SPMIP8: variants seen among roughly 807,000 people sequenced by gnomAD.
The protein encoded by SPMIP8 is sperm microtubule inner protein 8, also known as testicular tissue protein Li 196.
chr16:57,977,981 C>T, the SPMIP8 span: 5 of 1,614,078 alleles, frequency 3.1e-6, no homozygotes, highest in South Asian at 4.4e-5. Flanking sequence ...TGGACAGGGA[C>T]ACCGTCAAGG....
the SPMIP8 span, chr16:57,985,567 G>A: frequency 1.3e-6 from 2 of 1,577,072 alleles, no homozygotes; most frequent in South Asian, 2.3e-5. Flanking sequence ...CCACGCGCCC[G>A]GGGACCCCAT....
chr16:57,976,748 GC>G, the SPMIP8 span: 1 of 1,247,646 alleles, frequency 8.0e-7, no homozygotes, highest in Non-Finnish European at 1.1e-6. Context: ...TTGTCACCAT[GC>G]CCCCTCCCTG....
the SPMIP8 span, among the ~76,000 whole-genome samples, chr16:57,980,579 T>A: frequency 6.6e-6 from 1 of 152,222 alleles, no homozygotes; most frequent in South Asian, 2.1e-4. Flanking sequence ...ATCTGTGAGC[T>A]GTATGAGTTG....
the SPMIP8 span, chr16:57,985,332 T>A: frequency 1.9e-6 from 3 of 1,559,612 alleles, no homozygotes; most frequent in Non-Finnish European, 1.7e-6. Context: ...GGGAGCGGCT[T>A]AAGCCGGGGG....
At chr16:57,985,807 G>A in the SPMIP8 span, 3 of 1,457,190 alleles carry the variant, frequency 2.1e-6, no homozygotes, top group African/African-American at 4.2e-5. Context: ...GAACCCTTCA[G>A]GAGGGATGGC....
chr16:57,976,565 C>T, the SPMIP8 span: 1 of 1,614,192 alleles, frequency 6.2e-7, no homozygotes, highest in Non-Finnish European at 8.5e-7. Context: ...ATTGAGCAGT[C>T]AAAGAACTGA....
chr16:57,979,004 T>G, the SPMIP8 span, among the ~76,000 whole-genome samples: 1 of 152,116 alleles, frequency 6.6e-6, no homozygotes, highest in South Asian at 2.1e-4. Context: ...CCCAAGCATC[T>G]CTGTATGTGG....
the SPMIP8 span, among the ~76,000 whole-genome samples, chr16:57,981,501 CTTTT>C: frequency 1.4e-5 from 1 of 68,978 alleles, no homozygotes; most frequent in African/African-American, 6.9e-5. Flanking sequence ...CTCTCTTTCT[CTTTT>C]TTTTTTTTTT....
the SPMIP8 span, among the ~76,000 whole-genome samples, chr16:57,985,748 A>G: frequency 6.6e-6 from 1 of 151,894 alleles, no homozygotes; most frequent in Non-Finnish European, 1.5e-5. Context: ...CTCCCTGACA[A>G]CTCCACCCTT....
chr16:57,978,099 G>C, the SPMIP8 span: 1 of 1,534,782 alleles, frequency 6.5e-7, no homozygotes, highest in African/African-American at 1.4e-5. Context: ...AGGAAAGAGG[G>C]AGACAGATGC....
the SPMIP8 span, among the ~76,000 whole-genome samples, chr16:57,984,990 C>T: frequency 6.6e-6 from 1 of 152,050 alleles, no homozygotes; most frequent in East Asian, 1.9e-4. Flanking sequence ...GATCTGGAGG[C>T]AGGACTGCCC....
At chr16:57,987,110 A>G in the SPMIP8 span, 13 of 373,390 alleles carry the variant, frequency 3.5e-5, no homozygotes, top group Non-Finnish European at 6.2e-5. Flanking sequence ...TTTTGCTACC[A>G]TATGATGCCT....
the SPMIP8 span, among the ~76,000 whole-genome samples, chr16:57,983,603 T>C: frequency 6.6e-6 from 1 of 152,080 alleles, no homozygotes; most frequent in Non-Finnish European, 1.5e-5. Context: ...AGATTTTTTT[T>C]AAGTTGTCAA....
At chr16:57,980,302 T>A in the SPMIP8 span, among the ~76,000 whole-genome samples, 3 of 152,234 alleles carry the variant, frequency 2.0e-5, no homozygotes, top group Non-Finnish European at 4.4e-5. Flanking sequence ...AGTACTGACA[T>A]GGGCATATTG....
At chr16:57,978,759 A>G in the SPMIP8 span, among the ~76,000 whole-genome samples, 1 of 151,968 alleles carries the variant, frequency 6.6e-6, no homozygotes, top group Non-Finnish European at 1.5e-5. Context: ...GGGACCACAG[A>G]TACGTGCCAC....
chr16:57,981,605 C>T, the SPMIP8 span, among the ~76,000 whole-genome samples: 3 of 144,342 alleles, frequency 2.1e-5, no homozygotes, highest in Non-Finnish European at 3.0e-5. Flanking sequence ...TCCGCCTCCC[C>T]GGTTCAAGTG....
the SPMIP8 span, chr16:57,985,301 C>T: frequency 7.4e-6 from 11 of 1,493,254 alleles, no homozygotes; most frequent in East Asian, 2.6e-5. Flanking sequence ...CGTCCCTGAG[C>T]GGGGAGCGGG....
the SPMIP8 span, among the ~76,000 whole-genome samples, chr16:57,981,477 T>G: frequency 1.4e-5 from 2 of 144,072 alleles, no homozygotes; most frequent in Non-Finnish European, 3.0e-5. Context: ...CTCTTAGTCT[T>G]GTAATCTCTC....
At chr16:57,981,408 A>AT in the SPMIP8 span, among the ~76,000 whole-genome samples, 1 of 141,062 alleles carries the variant, frequency 7.1e-6, no homozygotes, top group Non-Finnish European at 1.5e-5. Context: ...TATTATTATA[A>AT]TAATAATTAT....
Sources: allele counts gnomAD v4.1 joint callset (sites outside exome capture counted in the v4.1 genomes callset), GRCh38; gene constraint gnomAD v4.1.1; transcripts MANE v1.5; gene names NCBI Gene and HGNC (gene_info 2026-07-23, HGNC 2026-07-21).